PPIF: variants seen among roughly 807,000 people sequenced by gnomAD.
PPIF encodes peptidylprolyl isomerase F.
A neutral mutation model predicts 20.2 loss-of-function variants in PPIF; 23 were observed. The observed-to-expected ratio is 1.14, with a 90% CI of 0.82 to 1.61. The LOEUF (loss-of-function observed/expected upper bound fraction) is 1.61. PPIF is among the 40% of genes most tolerant of loss of function. The probability of loss-of-function intolerance (pLI) is 0.00; values close to 1 mark genes in which losing one functional copy is unlikely to be tolerated. For synonymous variants in PPIF, 113 were observed against 123.1 expected, an observed-to-expected ratio of 0.92 and a Z score of 0.54; for missense variants, 287 against 291.6, an observed-to-expected ratio of 0.98 and a Z score of 0.11.
Position 79,347,714 on chromosome 10 carries a change from G to T in PPIF, c.166G>T (p.Gly56Trp). ...CGTGTACCTGGACGTGGACGCCAAC[G>T]GGAAGCCGCTCGGCCGCGTGGTGCT... ...PLVYLDVDAN[G>W]KPLGRVVLEL... Residue 56 changes from glycine to tryptophan, a missense_variant, in exon 1 of 6, where the codon GGG (glycine) becomes TGG (tryptophan). Physicochemically the swap from Gly to Trp is radical, Grantham distance 184 (BLOSUM62 -2). Coordinates refer to ENST00000225174, the MANE Select transcript of PPIF (RefSeq NM_005729.4). The T allele has an allele frequency of 6.9e-7, 1 of 1,452,816 alleles. No individual in the cohort carries two copies. The highest frequency in any genetic ancestry group is 2.9e-5 in the East Asian group (1 of 34,988). The allele number at this position is 1,452,816 out of a possible 1,614,324, so 90.0% of individuals were successfully genotyped here.
chr10:79,352,299 C>G lies in PPIF; in HGVS notation c.413-18C>G. 1 of 1,613,070 alleles carries G rather than the reference C, an allele frequency of 6.2e-7. No individual in the cohort carries two copies. The highest frequency in any genetic ancestry group is 1.3e-5 in the African/African-American group (1 of 75,040). ...TGCCTCCAGGGGCAGCGTGGCTCAG[C>G]CCTGCTGGTTTTTGCAGGTGTCCTG... On this transcript the variant is annotated intron_variant, in intron 4 of 5. Coordinates refer to ENST00000225174, the MANE Select transcript of PPIF (RefSeq NM_005729.4).
intron 4 of PPIF, 41 bp from the exon 5 acceptor site, chr10:79,352,276 C>T (rs776792916): frequency 1.3e-5 from 20 of 1,579,270 alleles, no homozygotes; most frequent in Non-Finnish European, 1.7e-5. Flanking sequence ...CAGGCAGGTG[C>T]CTCCAGGGGC....
Position 79,349,970 on chromosome 10 carries a change from C to T in PPIF, c.315+217C>T, listed in dbSNP as rs534816967. 8.5e-4 allele frequency: 876 copies of T among 1,025,956 alleles called. 6 individuals are homozygous for T. In the African/African-American group the frequency reaches 0.012, roughly 14 times the overall value. 63.6% of individuals were successfully genotyped at this position (1,025,956 alleles called of 1,614,324 possible). A position where few individuals can be genotyped will look rare whatever the true frequency, so the allele number is the denominator to read the frequency against. On this transcript the variant is annotated intron_variant, in intron 3 of 5. Coordinates refer to ENST00000225174, the MANE Select transcript of PPIF (RefSeq NM_005729.4). ...CTCCAGGTCAGTGGCAGGCCCTGCC[C>T]GGGGGACTGGGAGGTGGAGTCTATC...
At chr10:79,348,653 T>A (rs1308957556) in intron 1 of PPIF, among the ~76,000 whole-genome samples, 1 of 152,152 alleles carries the variant, frequency 6.6e-6, no homozygotes, top group Non-Finnish European at 1.5e-5. Flanking sequence ...GGGATGGGGC[T>A]TCAGCCTTCC....
chr10:79,353,580 G>C (rs937248241), intron 5 of PPIF, 127 bp from the exon 6 acceptor site: 3 of 1,535,242 alleles, frequency 2.0e-6, no homozygotes. Flanking sequence ...TTTGGGGGTA[G>C]ATCTAGCTAT....
intron 5 of PPIF, among the ~76,000 whole-genome samples, chr10:79,353,344 C>T (rs35008901): frequency 0.057 from 8,664 of 152,320 alleles, 814 homozygotes; most frequent in African/African-American, 0.2. Context: ...CATTCATGAC[C>T]GTTAACGTGG....
At chr10:79,352,488 C>A in intron 5 of PPIF, 96 bp downstream of exon 5, 1 of 1,296,996 alleles carries the variant, frequency 7.7e-7, no homozygotes. Context: ...TACAGCCAGG[C>A]CTTCTGCTCT....
chr10:79,350,193 T>C (rs1214954260), intron 3 of PPIF, among the ~76,000 whole-genome samples: 1 of 151,706 alleles, frequency 6.6e-6, no homozygotes, highest in Non-Finnish European at 1.5e-5. Context: ...ACGCCAGGAC[T>C]TGGGGCTTCC....
At chr10:79,347,832 G>T (rs1455458722) in intron 1 of PPIF, 89 bp downstream of exon 1, 1 of 1,239,072 alleles carries the variant, frequency 8.1e-7, no homozygotes, top group African/African-American at 1.6e-5. Context: ...GGGCGCGCTG[G>T]GTGACCTTGG....
chr10:79,354,201 G>T lies in PPIF; in HGVS notation c.*359G>T, dbSNP rs2132154459. 1 of 282,252 alleles carries T rather than the reference G, an allele frequency of 3.5e-6. No homozygotes were observed. The highest frequency in any genetic ancestry group is 8.8e-5 in the East Asian group (1 of 11,336). 17.5% of individuals were successfully genotyped at this position (282,252 alleles called of 1,614,324 possible). A position where few individuals can be genotyped will look rare whatever the true frequency, so the allele number is the denominator to read the frequency against. ...TTTCCTTGACCAAGGGGGACAGTCA[G>T]TTTTGCAAAAGGACTCTAATACCTG... On this transcript the variant is annotated 3_prime_UTR_variant, in exon 6 of 6. Transcript: ENST00000225174.
At position 79,349,669 on chromosome 10, in the gene PPIF, C is replaced by T. The variant is rs373717153; in HGVS notation, c.231C>T (p.Asn77=). Residue 77 remains asparagine (N), a synonymous_variant, in exon 3 of 6, where the codon AAC becomes AAT. Transcript: ENST00000225174. The part of the protein sequence containing the change: ...KADVVPKTAE[N]FRALCTGEKG... Reference sequence around the variant, plus strand: ...GTGTTTCTCTTCGACCCTCAGAGAACTTCAGAGCCCTGTGCACTGGTGAGA... The same window carrying T: ...GTGTTTCTCTTCGACCCTCAGAGAATTTCAGAGCCCTGTGCACTGGTGAGA... The T allele has an allele frequency of 1.2e-3, 1,970 of 1,613,426 alleles. 33 individuals carry two copies. In the South Asian group the frequency reaches 0.02, roughly 17 times the overall value.
In PPIF at chr10:79,353,690, G is replaced by A. The variant is rs748351979; in HGVS notation, c.489-17G>A. The A allele has an allele frequency of 1.8e-5, 29 of 1,614,114 alleles. No homozygotes were observed. Among genetic ancestry groups the A allele is most frequent in the Middle Eastern group, 1.6e-4 (1 of 6,084 alleles). On this transcript the variant is annotated splice_polypyrimidine_tract_variant and intron_variant, in intron 5 of 5. Transcript: ENST00000225174. The stretch of plus-strand genomic sequence containing the variant: ...TTGCGCTACACTGTTGCTCACCCGG[G>A]TCACCCGTCCTCACAGGTTGGATGG...
At chr10:79,350,954 C>T (rs1385317311) in intron 3 of PPIF, among the ~76,000 whole-genome samples, 1 of 152,238 alleles carries the variant, frequency 6.6e-6, no homozygotes, top group Non-Finnish European at 1.5e-5. Context: ...TGGGCCTTAG[C>T]TGAGGCCTGA....
chr10:79,352,862 T>C (rs1856000488), intron 5 of PPIF, among the ~76,000 whole-genome samples: 1 of 152,238 alleles, frequency 6.6e-6, no homozygotes, highest in Non-Finnish European at 1.5e-5. Context: ...CTCTGTATTA[T>C]CATAAACCTG....
In PPIF at chr10:79,353,885, A is replaced by G. The variant is rs1856015134; in HGVS notation, c.*43A>G. Reference sequence around the variant, plus strand: ...GGCATGGTGGCAGCTGCAAATGTCCATGCACCCAGGTGGCCGCGTTGGGCT... The same window carrying G: ...GGCATGGTGGCAGCTGCAAATGTCCGTGCACCCAGGTGGCCGCGTTGGGCT... On this transcript the variant is annotated 3_prime_UTR_variant, in exon 6 of 6. Coordinates refer to ENST00000225174, the MANE Select transcript of PPIF (RefSeq NM_005729.4). The G allele has an allele frequency of 1.2e-6, 2 of 1,604,198 alleles. No homozygotes were observed. The highest frequency in any genetic ancestry group is 1.3e-5 in the African/African-American group (1 of 74,960).
intron 5 of PPIF, 131 bp from the exon 6 acceptor site, chr10:79,353,576 G>T: frequency 6.6e-7 from 1 of 1,516,524 alleles, no homozygotes; most frequent in Non-Finnish European, 9.0e-7. Flanking sequence ...GAGCTTTGGG[G>T]GTAGATCTAG....
rs956989986 is a variant in PPIF, at chr10:79,347,755, C to T, written c.195+12C>T. ...GCGTGGTGCTGGAGGTGAGACCGCT[C>T]GCAGGGCCGGCCTGGGCGCGGGACA... On this transcript the variant is annotated intron_variant, in intron 1 of 5. Coordinates refer to ENST00000225174, the MANE Select transcript of PPIF (RefSeq NM_005729.4). 1 of 1,320,400 alleles carries T rather than the reference C, an allele frequency of 7.6e-7. No homozygotes were observed. Among genetic ancestry groups the T allele is most frequent in the Non-Finnish European group, 9.7e-7 (1 of 1,027,028 alleles). 81.8% of individuals were successfully genotyped at this position (1,320,400 alleles called of 1,614,324 possible).
Position 79,349,757 on chromosome 10 carries a change from A to G in PPIF, c.315+4A>G. ...GATCCCTTCCTTCATGTGCCAGGTA[A>G]TGTAGTTTCCTCTTCTGTAAGGGGG... On this transcript the variant is annotated splice_donor_region_variant and intron_variant, in intron 3 of 5. Transcript: ENST00000225174. 1 of 1,613,918 alleles carries G rather than the reference A, an allele frequency of 6.2e-7. No individual in the cohort carries two copies. Among genetic ancestry groups the G allele is most frequent in the Non-Finnish European group, 8.5e-7 (1 of 1,179,984 alleles).
chr10:79,349,877 GC>G, intron 3 of PPIF, 124 bp downstream of exon 3: 1 of 1,511,112 alleles, frequency 6.6e-7, no homozygotes. Context: ...CAGCCAGGCT[GC>G]CCTCCCTGCA....
Sources: allele counts gnomAD v4.1 joint callset (sites outside exome capture counted in the v4.1 genomes callset), GRCh38; gene constraint gnomAD v4.1.1; transcripts MANE v1.5; gene names NCBI Gene and HGNC (gene_info 2026-07-23, HGNC 2026-07-21).